The following NTM variants were observed in gnomAD, a reference collection of about 807,000 sequenced individuals.
NTM encodes IgLON family member 2.
NTM carries 13 observed loss-of-function variants against 42.1 expected under a neutral mutation model. The ratio of observed to expected loss-of-function variants is 0.31; its 90% CI spans 0.20 to 0.49. NTM has a LOEUF of 0.49. NTM is among the 20% of genes least tolerant of loss of function. NTM has a pLI of 0.99. For missense variants in NTM, 373 were observed against 452.8 expected, an observed-to-expected ratio of 0.82 and a Z score of 1.60; for synonymous variants, 187 against 179.2, an observed-to-expected ratio of 1.04 and a Z score of -0.35.
At chr11:131,697,029 G>T (rs1221055527) in intron 1 of NTM, among the ~76,000 whole-genome samples, 2 of 152,226 alleles carry the variant, frequency 1.3e-5, no homozygotes, top group South Asian at 2.1e-4. Flanking sequence ...CGACAGAGAT[G>T]ATCTGTTCAC....
intron 1 of NTM, among the ~76,000 whole-genome samples, chr11:131,479,435 G>T (rs768249871): frequency 1.3e-5 from 2 of 152,178 alleles, no homozygotes; most frequent in Admixed American, 6.5e-5. Context: ...GAGCAGATGG[G>T]TTATTTGGGG....
chr11:131,693,912 G>A (rs1332537432), intron 1 of NTM, among the ~76,000 whole-genome samples: 3 of 152,194 alleles, frequency 2.0e-5, no homozygotes, highest in African/African-American at 4.8e-5. Flanking sequence ...GTTTGACTTC[G>A]TCTCTGGAGA....
At chr11:131,443,958 TAA>T (rs1346554455) in intron 1 of NTM, among the ~76,000 whole-genome samples, 1 of 152,170 alleles carries the variant, frequency 6.6e-6, no homozygotes, top group Non-Finnish European at 1.5e-5. Flanking sequence ...TGCAACCTCA[TAA>T]GAGATCTTGA....
chr11:132,098,888 G>C (rs529861747), intron 2 of NTM, among the ~76,000 whole-genome samples: 1 of 152,202 alleles, frequency 6.6e-6, no homozygotes, highest in Non-Finnish European at 1.5e-5. Flanking sequence ...CTGCAGCTTG[G>C]ACTGTTTTGA....
chr11:131,637,453 G>C (rs139339370), intron 1 of NTM, among the ~76,000 whole-genome samples: 1 of 151,522 alleles, frequency 6.6e-6, no homozygotes, highest in Non-Finnish European at 1.5e-5. Context: ...ACCTGTATTC[G>C]TAGGTCTTTT....
intron 1 of NTM, among the ~76,000 whole-genome samples, chr11:131,459,470 T>C (rs901322823): frequency 2.0e-5 from 3 of 152,164 alleles, no homozygotes; most frequent in East Asian, 1.9e-4. Context: ...AATTTCAACT[T>C]ACACATTGCC....
chr11:131,438,051 G>A (rs1938049377), intron 1 of NTM, among the ~76,000 whole-genome samples: 1 of 152,132 alleles, frequency 6.6e-6, no homozygotes, highest in African/African-American at 2.4e-5. Flanking sequence ...AGCTTAGTTT[G>A]GCTGGATATG....
intron 2 of NTM, among the ~76,000 whole-genome samples, chr11:132,000,263 T>C (rs1430446030): frequency 3.9e-5 from 6 of 152,210 alleles, no homozygotes; most frequent in Non-Finnish European, 8.8e-5. Flanking sequence ...CTCCCAAAGA[T>C]AGGCACATAT....
chr11:132,307,670 G>A lies in NTM; in HGVS notation c.527-19G>A, dbSNP rs750571444. ...TTTTTTTCCTTGTATTTCACCACACGTTACCGGTTTTCCCGCAGCGGTTGG... is the reference window on the plus strand; with the variant it reads ...TTTTTTTCCTTGTATTTCACCACACATTACCGGTTTTCCCGCAGCGGTTGG... On this transcript the variant is annotated intron_variant, in intron 4 of 8. Transcript: ENST00000683400. The A allele has an allele frequency of 2.5e-5, 41 of 1,613,612 alleles. 1 individual carries two copies. Among genetic ancestry groups the A allele is most frequent in the Admixed American group, 6.7e-5 (4 of 59,932 alleles).
chr11:132,146,315 C>G lies in NTM; in HGVS notation c.201C>G (p.Ala67=), dbSNP rs1449804543. Reference sequence around the variant, plus strand: ...TTGACAACCGGGTCACCCGGGTGGCCTGGCTAAACCGCAGCACCATCCTCT... The same window carrying G: ...TTGACAACCGGGTCACCCGGGTGGCGTGGCTAAACCGCAGCACCATCCTCT... The part of the protein sequence containing the change: ...CTIDNRVTRV[A]WLNRSTILYA... The change falls in exon 3 of 9, where the codon GCC becomes GCG. Residue 67 remains alanine, a synonymous_variant. Coordinates refer to ENST00000683400, the MANE Select transcript of NTM (RefSeq NM_001352005.2). This position sits in a 1 kb window ranked among gnomAD's most constrained non-coding sequence, Gnocchi z 4.5. 1 of 1,614,106 alleles carries G rather than the reference C, an allele frequency of 6.2e-7. No homozygotes were observed. Among genetic ancestry groups the G allele is most frequent in the South Asian group, 1.1e-5 (1 of 91,086 alleles).
rs148831391 is a variant in NTM at position 131,760,982 on chromosome 11, G to A, written c.83-150582G>A. Among the ~76,000 whole-genome samples, 168 of 152,264 alleles carry A rather than the reference G, an allele frequency of 1.1e-3. 4 individuals are homozygous for A. In the East Asian group the frequency reaches 0.025, roughly 23 times the overall value. ...CTCCTGGGAGAGAATTATCAGGGCTGCTGTTGTTTTTGAGAAAATAGCTGC... is the reference window on the plus strand; with the variant it reads ...CTCCTGGGAGAGAATTATCAGGGCTACTGTTGTTTTTGAGAAAATAGCTGC... On this transcript the variant is annotated intron_variant, in intron 1 of 8. Coordinates refer to ENST00000683400, the MANE Select transcript of NTM (RefSeq NM_001352005.2).
chr11:132,202,369 C>T (rs1371784041), intron 3 of NTM, among the ~76,000 whole-genome samples: 1 of 152,138 alleles, frequency 6.6e-6, no homozygotes, highest in South Asian at 2.1e-4. Context: ...ATCTATCCTC[C>T]CTTCGTGAAC....
At chr11:132,166,741 A>G (rs1266974317) in intron 3 of NTM, among the ~76,000 whole-genome samples, 1 of 152,198 alleles carries the variant, frequency 6.6e-6, no homozygotes, top group African/African-American at 2.4e-5. Flanking sequence ...TCCTCCTTTC[A>G]CGATGAGTGA....
At chr11:131,939,795 C>G (rs979300994) in intron 2 of NTM, among the ~76,000 whole-genome samples, 6 of 152,144 alleles carry the variant, frequency 3.9e-5, no homozygotes, top group Admixed American at 3.9e-4. Context: ...TTTCAAGATT[C>G]TTCTTTTACC....
intron 2 of NTM, among the ~76,000 whole-genome samples, chr11:132,005,446 G>A (rs1309217770): frequency 6.6e-6 from 1 of 152,146 alleles, no homozygotes; most frequent in East Asian, 1.9e-4. Flanking sequence ...TTGCATTGTG[G>A]CAGACAGATA....
chr11:132,169,124 A>T (rs2075730235), intron 3 of NTM, among the ~76,000 whole-genome samples: 1 of 151,596 alleles, frequency 6.6e-6, no homozygotes, highest in African/African-American at 2.4e-5. Flanking sequence ...TTGGATTTCC[A>T]CTCACTTTGG....
chr11:131,674,794 G>A (rs2071069831), intron 1 of NTM, among the ~76,000 whole-genome samples: 1 of 152,156 alleles, frequency 6.6e-6, no homozygotes, highest in South Asian at 2.1e-4. Context: ...TTCCCCGCGG[G>A]ATATAGGTTA....
At chr11:131,951,685 G>T (rs1173385852) in intron 2 of NTM, among the ~76,000 whole-genome samples, 1 of 151,962 alleles carries the variant, frequency 6.6e-6, no homozygotes, top group Non-Finnish European at 1.5e-5. Context: ...AGCCAGGTGT[G>T]GTGGTGTGTG....
chr11:132,021,820 C>T (rs765610219), intron 2 of NTM, among the ~76,000 whole-genome samples: 5 of 152,288 alleles, frequency 3.3e-5, no homozygotes, highest in East Asian at 3.9e-4. Context: ...CTTCAAAGTG[C>T]GGACCATTTC....
Sources: allele counts gnomAD v4.1 joint callset (sites outside exome capture counted in the v4.1 genomes callset), GRCh38; gene constraint gnomAD v4.1.1; non-coding constraint Gnocchi (gnomAD v3.1); transcripts MANE v1.5; gene names NCBI Gene and HGNC (gene_info 2026-07-23, HGNC 2026-07-21).